The following EIF5 variants were observed in gnomAD, a reference collection of about 807,000 sequenced individuals.
EIF5 encodes eukaryotic translation initiation factor 5.
A neutral mutation model predicts 48.3 loss-of-function variants in EIF5; 10 were observed. The observed-to-expected ratio is 0.21, with a 90% CI of 0.13 to 0.35. The LOEUF (loss-of-function observed/expected upper bound fraction) is 0.35. Ranked by LOEUF, EIF5 falls within the 10% of genes least tolerant of loss-of-function variation. The probability of loss-of-function intolerance (pLI) is 1.00; values close to 1 mark genes in which losing one functional copy is unlikely to be tolerated. For synonymous variants in EIF5, 237 were observed against 173.1 expected (o/e 1.37, Z -2.90); for missense variants, 397 against 533.2 (o/e 0.74, Z 2.51).
intron 9 of EIF5, 121 bp from the exon 10 acceptor site, chr14:103,339,518 T>G: frequency 6.8e-7 from 1 of 1,480,728 alleles, no homozygotes; most frequent in Non-Finnish European, 9.3e-7. Flanking sequence ...TGTTTATGCA[T>G]TGACCTTTTT....
At chr14:103,338,143 A>C (rs1220273803) in intron 6 of EIF5, 184 bp from the exon 7 acceptor site, 9 of 844,468 alleles carry the variant, frequency 1.1e-5, no homozygotes, top group Non-Finnish European at 1.7e-5. Context: ...TTAGACTAAC[A>C]TTCTTACGTA....
chr14:103,339,374 G>T, intron 9 of EIF5, 41 bp downstream of exon 9: 2 of 1,561,830 alleles, frequency 1.3e-6, no homozygotes, highest in Non-Finnish European at 1.7e-6. Context: ...GATTACAGTT[G>T]TGTGGCTTTC....
At chr14:103,340,592 C>T (rs2089341944) in intron 11 of EIF5, 31 bp downstream of exon 11, 3 of 1,582,918 alleles carry the variant, frequency 1.9e-6, no homozygotes, top group Non-Finnish European at 2.6e-6. Context: ...GTATTGGATA[C>T]AGTGCTGGCA....
chr14:103,336,900 GAT>G, intron 5 of EIF5, 51 bp downstream of exon 5: 1 of 1,560,538 alleles, frequency 6.4e-7, no homozygotes. Context: ...CTGCTTCTGT[GAT>G]ACCGCTAAGT....
At chr14:103,340,196 A>G (rs1566723075) in intron 10 of EIF5, among the ~76,000 whole-genome samples, 1 of 152,150 alleles carries the variant, frequency 6.6e-6, no homozygotes, top group African/African-American at 2.4e-5. Context: ...AAAATGTCTT[A>G]ATATCTATAG....
chr14:103,337,166 C>G lies in EIF5; in HGVS notation c.378C>G (p.Gly126=). The change falls in exon 6 of 12, where the codon GGC becomes GGG. Residue 126 remains glycine, a synonymous_variant. Coordinates refer to ENST00000216554, the MANE Select transcript of EIF5 (RefSeq NM_001969.5). ...QTIGNSCKAC[G]YRGMLDTHHK... ...TAGGTAATTCTTGTAAAGCCTGTGGCTATCGAGGCATGCTTGACACACATC... is the reference window on the plus strand; with the variant it reads ...TAGGTAATTCTTGTAAAGCCTGTGGGTATCGAGGCATGCTTGACACACATC... 6.2e-7 allele frequency: 1 copy of G among 1,613,328 alleles called. No individual in the cohort carries two copies. The highest frequency in any genetic ancestry group is 8.5e-7 in the Non-Finnish European group (1 of 1,179,856).
chr14:103,338,773 T>C lies in EIF5; in HGVS notation c.624T>C (p.Thr208=), dbSNP rs747160865. 10 of 1,614,142 alleles carry C rather than the reference T, an allele frequency of 6.2e-6. No homozygotes were observed. In the South Asian group the frequency reaches 1.1e-4, roughly 18 times the overall value. ...ATGATGACTGGGGAGAAGATACAAC[T>C]GAGGAAGCTCAAAGGCGTCGAATGG... The part of the protein sequence containing the change: ...EEDDDWGEDT[T]EEAQRRRMDE... Residue 208 remains threonine, a synonymous_variant, in exon 8 of 12, where the codon ACT becomes ACC. Coordinates refer to ENST00000216554, the MANE Select transcript of EIF5 (RefSeq NM_001969.5).
At chr14:103,339,058 A>G in intron 8 of EIF5, 114 bp from the exon 9 acceptor site, 1 of 1,483,380 alleles carries the variant, frequency 6.7e-7, no homozygotes. Context: ...ACTATGTGTC[A>G]CAACTGCCAA....
rs186172711 is a variant in EIF5 at position 103,340,083 on chromosome 14, C to T, written c.1071+280C>T. Among the ~76,000 whole-genome samples the T allele has an allele frequency of 1.6e-4, 25 of 152,312 alleles. No individual in the cohort carries two copies. The East Asian group carries it at 4.6e-3, about 28-fold the overall frequency. On this transcript the variant is annotated intron_variant, in intron 10 of 11. Transcript: ENST00000216554. ...TGTTGGCCAGGTTGGTCTCGAACAC[C>T]TGACCTCAGGTGATCCACTGGCCTC...
chr14:103,338,193 T>C (rs2089312136), intron 6 of EIF5, 134 bp from the exon 7 acceptor site: 1 of 1,226,002 alleles, frequency 8.2e-7, no homozygotes, highest in Admixed American at 2.2e-5. Context: ...GCCTCTTAGG[T>C]AGCATTGTGT....
chr14:103,341,028 C>T lies in EIF5; in HGVS notation c.1272C>T (p.Asp424=), dbSNP rs369858645. 3.3e-5 allele frequency: 53 copies of T among 1,614,042 alleles called. No homozygotes were observed. The highest frequency in any genetic ancestry group is 1.3e-4 in the East Asian group (6 of 44,870). The stretch of plus-strand genomic sequence containing the variant: ...CTGTAAAGTCAGACAACAAGGATGA[C>T]GACATCGATATTGATGCCATTTAAA... The part of the protein sequence containing the change: ...VETVKSDNKD[D]DIDIDAI Residue 424 remains aspartate, a synonymous_variant, in exon 12 of 12, where the codon GAC becomes GAT. Coordinates refer to ENST00000216554, the MANE Select transcript of EIF5 (RefSeq NM_001969.5).
Position 103,344,321 on chromosome 14 carries a change from T to G in EIF5, c.*3269T>G, listed in dbSNP as rs1247699829. ...TTTTATGGCCAGAAATTTTAAGGAC[T>G]TGTGTGTGCTGGGATATGAGAATAG... On this transcript the variant is annotated 3_prime_UTR_variant, in exon 12 of 12. Transcript: ENST00000216554. 1.3e-5 allele frequency: 2 copies of G among 152,222 alleles called. No homozygotes were observed. Among genetic ancestry groups the G allele is most frequent in the Non-Finnish European group, 1.5e-5 (1 of 68,048 alleles). The allele number at this position is 152,222 out of a possible 1,614,324, so 9.4% of individuals were successfully genotyped here.
At chr14:103,340,264 A>G (rs2089337648) in intron 10 of EIF5, 163 bp from the exon 11 acceptor site, 7 of 726,038 alleles carry the variant, frequency 9.6e-6, no homozygotes, top group Admixed American at 2.4e-5. Flanking sequence ...ATTTGTAGTC[A>G]TAACAGACTG....
intron 8 of EIF5, 40 bp downstream of exon 8, chr14:103,338,933 G>C: frequency 1.2e-6 from 2 of 1,600,702 alleles, no homozygotes; most frequent in Non-Finnish European, 1.7e-6. Context: ...CTTCAACCCA[G>C]CCTTGTTTGT....
Position 103,341,329 on chromosome 14 carries a change from A to G in EIF5, c.*277A>G, listed in dbSNP as rs926132476. ...ATTTGGATCACATTTATACAGTTAT[A>G]AAAATAAAGGTTTGATTTTGGTCGT... On this transcript the variant is annotated 3_prime_UTR_variant, in exon 12 of 12. Coordinates refer to ENST00000216554, the MANE Select transcript of EIF5 (RefSeq NM_001969.5). 14 of 269,872 alleles carry G rather than the reference A, an allele frequency of 5.2e-5. No individual in the cohort carries two copies. Among genetic ancestry groups the G allele is most frequent in the Non-Finnish European group, 8.7e-5 (12 of 138,696 alleles). The allele number at this position is 269,872 out of a possible 1,614,324, so 16.7% of individuals were successfully genotyped here.
At chr14:103,337,859 C>G in intron 6 of EIF5, 1 of 519,446 alleles carries the variant, frequency 1.9e-6, no homozygotes, top group South Asian at 1.4e-5. Flanking sequence ...AAGCAACACT[C>G]TGTGGCAGAT....
In EIF5 at chr14:103,336,933, G is replaced by C. The variant is rs2089293842; in HGVS notation, c.327+84G>C. The C allele has an allele frequency of 2.7e-6, 4 of 1,475,526 alleles. No individual in the cohort carries two copies. In the African/African-American group the frequency reaches 4.2e-5, roughly 16 times the overall value. The allele number at this position is 1,475,526 out of a possible 1,614,324, so 91.4% of individuals were successfully genotyped here. ...TAAGTCACCTTCCTGAGAAGGCAGA[G>C]CAAATGTAATTTTAAATCAAACACA... On this transcript the variant is annotated intron_variant, in intron 5 of 11. Transcript: ENST00000216554.
Position 103,340,935 on chromosome 14 carries a change from T to C in EIF5, c.1207-28T>C, listed in dbSNP as rs769198557. On this transcript the variant is annotated intron_variant, in intron 11 of 11. Transcript: ENST00000216554. ...TTTTATAAACAGATTTATCAGCTTA[T>C]GTTGAATAAAATCATTCCTCTTAAC... 1.4e-5 allele frequency: 22 copies of C among 1,601,610 alleles called. 1 individual carries two copies. Among genetic ancestry groups the C allele is most frequent in the South Asian group, 6.6e-5 (6 of 90,840 alleles).
Position 103,344,498 on chromosome 14 carries a change from C to T in EIF5, c.*3446C>T, listed in dbSNP as rs2089390059. On this transcript the variant is annotated 3_prime_UTR_variant, in exon 12 of 12. Coordinates refer to ENST00000216554, the MANE Select transcript of EIF5 (RefSeq NM_001969.5). ...GGAGGATTCACTTGGGTGTTGGGAT[C>T]AAATTTGGATTCTGTCCCAGGCCTT... 1 of 152,210 alleles carries T rather than the reference C, an allele frequency of 6.6e-6. No individual in the cohort carries two copies. The highest frequency in any genetic ancestry group is 1.5e-5 in the Non-Finnish European group (1 of 68,088). 9.4% of individuals were successfully genotyped at this position (152,210 alleles called of 1,614,324 possible).
Sources: gnomAD v4.1 joint callset for allele counts (sites outside exome capture counted in the v4.1 genomes callset) on GRCh38, gnomAD v4.1.1 for gene constraint, MANE v1.5 for transcripts, NCBI Gene and HGNC (gene_info 2026-07-23, HGNC 2026-07-21) for gene names.